SORCS2: variants seen among roughly 807,000 people sequenced by gnomAD.
SORCS2 encodes VPS10 domain-containing receptor SorCS2.
SORCS2 carries 100 observed loss-of-function variants against 141.6 expected under a neutral mutation model. That is an observed-to-expected ratio of 0.71 (90% CI 0.60 to 0.83). SORCS2 has a LOEUF of 0.83. Ranked by LOEUF, SORCS2 falls within the 40% of genes least tolerant of loss-of-function variation. The pLI is 0.00. For missense variants in SORCS2, 1,646 were observed against 1,560.2 expected (o/e 1.05, Z -0.93); for synonymous variants, 789 against 676.9 (o/e 1.17, Z -2.57).
intron 1 of SORCS2, among the ~76,000 whole-genome samples, chr4:7,366,413 C>T (rs1369500110): frequency 5.3e-5 from 8 of 151,864 alleles, no homozygotes; most frequent in Admixed American, 2.0e-4. Flanking sequence ...TGGCTCAGCA[C>T]AGGAGGCGTT....
intron 1 of SORCS2, among the ~76,000 whole-genome samples, chr4:7,218,128 A>T (rs1728475351): frequency 6.6e-6 from 1 of 152,108 alleles, no homozygotes; most frequent in African/African-American, 2.4e-5. Context: ...GCCAAAGTTT[A>T]TCTTTGGAGG....
At chr4:7,468,288 A>G (rs1240965628) in intron 2 of SORCS2, among the ~76,000 whole-genome samples, 2 of 152,170 alleles carry the variant, frequency 1.3e-5, no homozygotes, top group Non-Finnish European at 2.9e-5. Flanking sequence ...ATGGGTCGCA[A>G]CCTTGTTGAT....
intron 3 of SORCS2, among the ~76,000 whole-genome samples, chr4:7,592,253 A>T (rs942730854): frequency 2.0e-5 from 3 of 151,604 alleles, no homozygotes; most frequent in African/African-American, 4.8e-5. Context: ...TCTAATTATT[A>T]TTATTTTTTT....
At chr4:7,547,834 C>T (rs545082656) in intron 3 of SORCS2, among the ~76,000 whole-genome samples, 135 of 152,324 alleles carry the variant, frequency 8.9e-4, no homozygotes, top group Non-Finnish European at 1.6e-3. Flanking sequence ...TTCTGTCCAC[C>T]GGCACCTGGC....
intron 4 of SORCS2, among the ~76,000 whole-genome samples, chr4:7,638,900 T>C (rs1720448991): frequency 6.6e-6 from 1 of 152,208 alleles, no homozygotes; most frequent in African/African-American, 2.4e-5. Flanking sequence ...GTGTGGAATG[T>C]TCTTCTCCCC....
chr4:7,408,980 CT>C (rs56408264), intron 2 of SORCS2, among the ~76,000 whole-genome samples: 38,090 of 151,964 alleles, frequency 0.25, 5,263 homozygotes, highest in East Asian at 0.5. Context: ...ATCTGAATTG[CT>C]TTTCTGTGTT....
At chr4:7,473,477 C>G (rs1577622463) in intron 2 of SORCS2, among the ~76,000 whole-genome samples, 2 of 152,256 alleles carry the variant, frequency 1.3e-5, no homozygotes, top group African/African-American at 4.8e-5. Flanking sequence ...GAGGGGCGTG[C>G]ACTCCAGGCA....
chr4:7,369,517 G>A (rs1035917216), intron 1 of SORCS2, among the ~76,000 whole-genome samples: 2 of 152,220 alleles, frequency 1.3e-5, no homozygotes, highest in East Asian at 1.9e-4. Context: ...TATTTGCTAA[G>A]CCACACAGGC....
intron 1 of SORCS2, among the ~76,000 whole-genome samples, chr4:7,293,003 C>T (rs1716711737): frequency 6.6e-6 from 1 of 152,140 alleles, no homozygotes; most frequent in African/African-American, 2.4e-5. Context: ...GAGTCTGTGA[C>T]ATTGAAAATG....
chr4:7,362,951 C>CATT (rs1298346741), intron 1 of SORCS2, among the ~76,000 whole-genome samples: 2 of 40,040 alleles, frequency 5.0e-5, no homozygotes, highest in Non-Finnish European at 1.7e-4. Flanking sequence ...ACATCACCAT[C>CATT]ACCACCATCA....
At chr4:7,601,565 G>A (rs192316948) in intron 3 of SORCS2, among the ~76,000 whole-genome samples, 1 of 136,730 alleles carries the variant, frequency 7.3e-6, no homozygotes, top group Non-Finnish European at 1.5e-5. Context: ...GTTGCAGCGA[G>A]CTGAGATCAC....
chr4:7,342,697 C>A (rs1720433532), intron 1 of SORCS2, among the ~76,000 whole-genome samples: 1 of 152,122 alleles, frequency 6.6e-6, no homozygotes, highest in African/African-American at 2.4e-5. Context: ...CTTCCGAGGC[C>A]AGGGTAATGG....
At chr4:7,496,848 C>T (rs187944748) in intron 2 of SORCS2, among the ~76,000 whole-genome samples, 22 of 152,278 alleles carry the variant, frequency 1.4e-4, no homozygotes, top group Admixed American at 1.4e-3. Context: ...GCACAGGGCT[C>T]CGGGCACAAC....
At chr4:7,337,975 G>C (rs556181548) in intron 1 of SORCS2, among the ~76,000 whole-genome samples, 1 of 152,312 alleles carries the variant, frequency 6.6e-6, no homozygotes, top group East Asian at 1.9e-4. Flanking sequence ...GGTCCCCACA[G>C]ATGCCCTAAC....
In SORCS2 at chr4:7,654,179, G is replaced by C; in HGVS notation, c.859G>C (p.Glu287Gln). The C allele has an allele frequency of 6.3e-7, 1 of 1,583,186 alleles. No homozygotes were observed. The highest frequency in any genetic ancestry group is 8.6e-7 in the Non-Finnish European group (1 of 1,163,194). Residue 287 changes from glutamate to glutamine, a missense_variant, in exon 5 of 27, where the codon GAG (glutamate) becomes CAG (glutamine). By Grantham distance (29) the Glu-to-Gln change is conservative. Transcript: ENST00000507866. ...DLGKKWTLLQ[E>Q]RVTKDHVFWS... ...GGGGAAAAAGTGGACACTTCTGCAAGAGCGAGTGACCAAAGACCACGTGTT... is the reference window on the plus strand; with the variant it reads ...GGGGAAAAAGTGGACACTTCTGCAACAGCGAGTGACCAAAGACCACGTGTT...
intron 1 of SORCS2, among the ~76,000 whole-genome samples, chr4:7,301,156 C>G (rs1717406481): frequency 6.6e-6 from 1 of 152,190 alleles, no homozygotes; most frequent in Non-Finnish European, 1.5e-5. Flanking sequence ...GCCTCTGGAT[C>G]CCACAGCACA....
chr4:7,269,760 A>G (rs567700109), intron 1 of SORCS2, among the ~76,000 whole-genome samples: 2 of 152,360 alleles, frequency 1.3e-5, no homozygotes, highest in South Asian at 4.1e-4. Flanking sequence ...GCCCAGTGAT[A>G]CTGATTTGGG....
chr4:7,421,468 T>G (rs1726052070), intron 2 of SORCS2, among the ~76,000 whole-genome samples: 1 of 152,022 alleles, frequency 6.6e-6, no homozygotes, highest in African/African-American at 2.4e-5. Context: ...GGTTGCGGGG[T>G]CCAGTGGTAA....
chr4:7,245,387 C>T (rs534433682), intron 1 of SORCS2, among the ~76,000 whole-genome samples: 1 of 152,330 alleles, frequency 6.6e-6, no homozygotes, highest in East Asian at 1.9e-4. Flanking sequence ...TCCGGGATGC[C>T]CGTTTCAGGA....
Sources: allele counts gnomAD v4.1 joint callset (sites outside exome capture counted in the v4.1 genomes callset), GRCh38; gene constraint gnomAD v4.1.1; transcripts MANE v1.5; gene names NCBI Gene and HGNC (gene_info 2026-07-23, HGNC 2026-07-21).